Variants in METTL4 observed in about 807,000 individuals in gnomAD.
METTL4 encodes N(6)-adenine-specific methyltransferase METTL4.
In METTL4, 40 loss-of-function variants were observed where a neutral mutation model predicts 54.0. That is an observed-to-expected ratio of 0.74 (90% CI 0.58 to 0.96). METTL4 has a LOEUF of 0.96. METTL4 is among the 50% of genes least tolerant of loss of function. The pLI is 0.00. For synonymous variants in METTL4, 169 were observed against 183.8 expected (o/e 0.92, Z 0.65); for missense variants, 525 against 549.0 (o/e 0.96, Z 0.44).
chr18:2,539,485 T>TAATA (rs1260702129), intron 8 of METTL4, among the ~76,000 whole-genome samples: 1 of 114,486 alleles, frequency 8.7e-6, no homozygotes, highest in Non-Finnish European at 1.9e-5. Flanking sequence ...TTATTTAATT[T>TAATA]TTTTTTTTTT....
At chr18:2,539,761 C>G (rs1284481219) in intron 8 of METTL4, 3 of 899,472 alleles carry the variant, frequency 3.3e-6, no homozygotes, top group Non-Finnish European at 4.0e-6. Context: ...GGATTACAGG[C>G]AGGAGCCACC....
At chr18:2,542,182 T>C (rs369871500) in intron 8 of METTL4, among the ~76,000 whole-genome samples, 1 of 150,708 alleles carries the variant, frequency 6.6e-6, no homozygotes, top group Non-Finnish European at 1.5e-5. Context: ...TAAGCTGTAA[T>C]GCTTTAGGGC....
Position 2,537,769 on chromosome 18 carries a change from A to G in METTL4, c.*1231T>C, listed in dbSNP as rs189150698. 5.2e-4 allele frequency: 208 copies of G among 397,862 alleles called. 1 individual carries two copies. Among genetic ancestry groups the G allele is most frequent in the African/African-American group, 4.0e-3 (195 of 48,740 alleles). The allele number at this position is 397,862 out of a possible 1,614,324, so 24.6% of individuals were successfully genotyped here. ...TATTTGTCAACAATCTGTAAATAGTATAAATGCTTTTCTCAAAATGCTACG... is the reference window on the plus strand; with the variant it reads ...TATTTGTCAACAATCTGTAAATAGTGTAAATGCTTTTCTCAAAATGCTACG... On this transcript the variant is annotated 3_prime_UTR_variant, in exon 9 of 9. Transcript: ENST00000574538.
intron 2 of METTL4, 104 bp from the exon 3 acceptor site, chr18:2,563,963 T>C: frequency 1.5e-6 from 1 of 646,100 alleles, no homozygotes; most frequent in Non-Finnish European, 2.6e-6. Context: ...TAATAATTAA[T>C]AATTAATAGT....
At position 2,566,929 on chromosome 18, in the gene METTL4, G is replaced by T. The variant is rs1429362462; in HGVS notation, c.288C>A (p.Thr96=). 1 of 1,613,862 alleles carries T rather than the reference G, an allele frequency of 6.2e-7. No homozygotes were observed. The highest frequency in any genetic ancestry group is 1.3e-5 in the African/African-American group (1 of 74,892). The change falls in exon 2 of 9, where the codon ACC becomes ACA. Residue 96 remains threonine, a synonymous_variant. Coordinates refer to ENST00000574538, the MANE Select transcript of METTL4 (RefSeq NM_022840.5). Reference sequence around the variant, plus strand: ...GAACAGCTGGAGTTATATAAGGTTTGGTGACATCAAACAGTTCAGGTCGAA... The same window carrying T: ...GAACAGCTGGAGTTATATAAGGTTTTGTGACATCAAACAGTTCAGGTCGAA... ...FVFRPELFDV[T]KPYITPAVHK... is the part of the protein sequence containing the mutation.
intron 4 of METTL4, chr18:2,554,418 T>A: frequency 2.5e-6 from 1 of 403,628 alleles, no homozygotes; most frequent in Non-Finnish European, 4.4e-6. Flanking sequence ...ACCGAATTCC[T>A]AAGTACAGAG....
chr18:2,544,408 A>G (rs1280364315), intron 7 of METTL4, 122 bp from the exon 8 acceptor site: 3 of 707,920 alleles, frequency 4.2e-6, no homozygotes, highest in Non-Finnish European at 6.8e-6. Context: ...TTTACAATCA[A>G]TGAAAGAAAT....
chr18:2,551,262 C>T (rs1316028038), intron 5 of METTL4, among the ~76,000 whole-genome samples: 3 of 149,746 alleles, frequency 2.0e-5, no homozygotes, highest in African/African-American at 7.4e-5. Context: ...TTAGGAAATA[C>T]ATACTGAAAT....
intron 5 of METTL4, among the ~76,000 whole-genome samples, chr18:2,551,274 T>G (rs907952830): frequency 9.2e-5 from 14 of 152,044 alleles, no homozygotes; most frequent in Admixed American, 2.0e-4. Flanking sequence ...TACTGAAATA[T>G]TCAAGGCTAA....
chr18:2,557,953 A>ATTAG (rs1297914037), intron 3 of METTL4, among the ~76,000 whole-genome samples: 1 of 152,188 alleles, frequency 6.6e-6, no homozygotes, highest in Non-Finnish European at 1.5e-5. Context: ...TAGGGGCATA[A>ATTAG]TTAGCCTTAA....
chr18:2,539,957 T>G (rs2071970624), intron 8 of METTL4: 1 of 973,452 alleles, frequency 1.0e-6, no homozygotes, highest in South Asian at 4.8e-5. Flanking sequence ...TAACTAACAT[T>G]TAAATAACTA....
intron 8 of METTL4, chr18:2,540,508 G>A: frequency 2.0e-6 from 2 of 985,312 alleles, no homozygotes; most frequent in South Asian, 9.4e-5. Flanking sequence ...TCATCTGTCA[G>A]AAAGTACTGG....
chr18:2,569,086 C>T (rs1038413621), intron 1 of METTL4: 1 of 154,938 alleles, frequency 6.5e-6, no homozygotes, highest in African/African-American at 2.4e-5. Context: ...ACATGAAACT[C>T]CCTCAGCAGC....
At chr18:2,559,902 AT>A (rs1165221354) in intron 3 of METTL4, among the ~76,000 whole-genome samples, 1 of 151,930 alleles carries the variant, frequency 6.6e-6, no homozygotes, top group African/African-American at 2.4e-5. Context: ...CACCTGGCTA[AT>A]TTTTTTATAT....
At chr18:2,560,923 A>G (rs1311949563) in intron 3 of METTL4, among the ~76,000 whole-genome samples, 1 of 152,124 alleles carries the variant, frequency 6.6e-6, no homozygotes, top group Non-Finnish European at 1.5e-5. Flanking sequence ...TAACATCATG[A>G]TCATTTGGAA....
chr18:2,566,677 A>G (rs1042820291), intron 2 of METTL4, 144 bp downstream of exon 2: 15 of 569,818 alleles, frequency 2.6e-5, no homozygotes, highest in Non-Finnish European at 4.1e-5. Flanking sequence ...AAAAGCTACA[A>G]ATTATTTCAG....
intron 3 of METTL4, among the ~76,000 whole-genome samples, chr18:2,559,255 A>G (rs1336894965): frequency 6.6e-6 from 1 of 152,266 alleles, no homozygotes; most frequent in Admixed American, 6.5e-5. Context: ...TGTAATATTT[A>G]CATAAAATGG....
At position 2,544,674 on chromosome 18, in the gene METTL4, T is replaced by C; in HGVS notation, c.1160A>G (p.Glu387Gly). ...CTACCTCAATGGTAGAGCAGTTTTT[T>C]CTTGAACCCTCCCCAGTATAAGACC... Reference protein sequence around the residue: ...YEGLILGRVQEKTALPLRNAD... With the variant: ...YEGLILGRVQGKTALPLRNAD... The change falls in exon 7 of 9, where the codon GAA becomes GGA. Residue 387 changes from glutamate to glycine, a missense_variant. Physicochemically the swap from Glu to Gly is moderately conservative, Grantham distance 98. Transcript: ENST00000574538. 1 of 1,611,392 alleles carries C rather than the reference T, an allele frequency of 6.2e-7. No individual in the cohort carries two copies. Among genetic ancestry groups the C allele is most frequent in the African/African-American group, 1.3e-5 (1 of 74,832 alleles).
intron 4 of METTL4, chr18:2,553,812 G>C (rs1344475562): frequency 6.6e-6 from 1 of 152,028 alleles, no homozygotes; most frequent in East Asian, 1.9e-4. Context: ...GAGTAACAAA[G>C]ATCAAAAAGA....
Sources: gnomAD v4.1 joint callset for allele counts (sites outside exome capture counted in the v4.1 genomes callset) on GRCh38, gnomAD v4.1.1 for gene constraint, MANE v1.5 for transcripts, NCBI Gene and HGNC (gene_info 2026-07-23, HGNC 2026-07-21) for gene names.